The following ZNF420 variants were observed in gnomAD, a reference collection of about 807,000 sequenced individuals.
The protein encoded by ZNF420 is zinc finger protein 420.
Under a neutral mutation model 44.7 loss-of-function variants are expected in ZNF420, and 31 were observed. The observed-to-expected ratio is 0.69, with a 90% CI of 0.52 to 0.94. The LOEUF (loss-of-function observed/expected upper bound fraction) is 0.94, where lower values mean the gene tolerates loss of function less well. ZNF420 is among the 40% of genes least tolerant of loss of function. The pLI, the probability that ZNF420 is intolerant of heterozygous loss-of-function variation, is 0.00. For missense variants in ZNF420, 681 were observed against 827.9 expected (o/e 0.82, Z 2.18); for synonymous variants, 245 against 267.4 (o/e 0.92, Z 0.82).
chr19:37,080,471 C>G (rs1968375371), intron 2 of ZNF420, 83 bp downstream of exon 2: 1 of 152,492 alleles, frequency 6.6e-6, no homozygotes, highest in Non-Finnish European at 1.5e-5. Context: ...AAATTTCTTG[C>G]CTTCTCAAAT....
chr19:37,054,131 G>C (rs1188309256), intron 1 of ZNF420, among the ~76,000 whole-genome samples: 5 of 152,200 alleles, frequency 3.3e-5, no homozygotes, highest in African/African-American at 1.2e-4. Context: ...AATGAGCAAG[G>C]CTCCATGGGC....
intron 1 of ZNF420, among the ~76,000 whole-genome samples, chr19:37,044,784 G>A (rs944726981): frequency 7.2e-5 from 11 of 152,002 alleles, no homozygotes; most frequent in African/African-American, 2.7e-4. Context: ...AGCCGAGATC[G>A]CACCATTGCA....
In ZNF420 at chr19:37,130,297, A is replaced by G; in HGVS notation, c.*1239A>G. The G allele has an allele frequency of 7.1e-7, 1 of 1,414,066 alleles. No individual in the cohort carries two copies. The highest frequency in any genetic ancestry group is 9.2e-7 in the Non-Finnish European group (1 of 1,081,186). The allele number at this position is 1,414,066 out of a possible 1,614,324, so 87.6% of individuals were successfully genotyped here. ...CTTGCCTCCTGTTTCTCTTTAAATAAAATTAAACATCTTATTTGTTGATGC... is the reference window on the plus strand; with the variant it reads ...CTTGCCTCCTGTTTCTCTTTAAATAGAATTAAACATCTTATTTGTTGATGC... On this transcript the variant is annotated 3_prime_UTR_variant, in exon 5 of 5. Transcript: ENST00000337995.
At chr19:37,026,718 T>C (rs1967166355) in intron 1 of ZNF420, among the ~76,000 whole-genome samples, 1 of 152,178 alleles carries the variant, frequency 6.6e-6, no homozygotes, top group Non-Finnish European at 1.5e-5. Flanking sequence ...TGCCTCAGCC[T>C]CCCAAAGTGC....
At chr19:37,050,185 A>T (rs112483943) in intron 1 of ZNF420, among the ~76,000 whole-genome samples, 2 of 152,088 alleles carry the variant, frequency 1.3e-5, no homozygotes, top group African/African-American at 2.4e-5. Flanking sequence ...CTTAGGATTG[A>T]CTTGGCAATG....
chr19:37,118,915 G>C (rs905671103), intron 4 of ZNF420, among the ~76,000 whole-genome samples: 1 of 152,134 alleles, frequency 6.6e-6, no homozygotes. Flanking sequence ...ACCAAGAAGA[G>C]CTAACTATCC....
intron 1 of ZNF420, among the ~76,000 whole-genome samples, chr19:37,053,890 C>T (rs1967690927): frequency 6.6e-6 from 1 of 152,188 alleles, no homozygotes; most frequent in African/African-American, 2.4e-5. Context: ...TCAAAGCTGT[C>T]AGACACGGAC....
chr19:37,020,216 CA>C (rs376616699), intron 1 of ZNF420, among the ~76,000 whole-genome samples: 212 of 99,858 alleles, frequency 2.1e-3, no homozygotes, highest in Middle Eastern at 0.019. Flanking sequence ...GACTCCGTCT[CA>C]AAAAAAAAAA....
chr19:37,070,241 T>C (rs1464562822), intron 1 of ZNF420, among the ~76,000 whole-genome samples: 1 of 152,102 alleles, frequency 6.6e-6, no homozygotes, highest in African/African-American at 2.4e-5. Flanking sequence ...AACACAGAAA[T>C]TGTATCTCTC....
At chr19:37,008,332 G>T (rs1303632082) in intron 1 of ZNF420, among the ~76,000 whole-genome samples, 2 of 152,152 alleles carry the variant, frequency 1.3e-5, no homozygotes, top group Admixed American at 6.5e-5. Flanking sequence ...CCGTGTGAGT[G>T]TGTTGTCACG....
intron 2 of ZNF420, among the ~76,000 whole-genome samples, chr19:37,082,314 C>G (rs1968513733): frequency 6.6e-6 from 1 of 152,048 alleles, no homozygotes; most frequent in African/African-American, 2.4e-5. Context: ...AGGCACACAC[C>G]ACCACACCCA....
At chr19:37,068,528 T>A (rs1177048482) in intron 1 of ZNF420, among the ~76,000 whole-genome samples, 1 of 152,014 alleles carries the variant, frequency 6.6e-6, no homozygotes, top group East Asian at 1.9e-4. Flanking sequence ...TAATCCCAGC[T>A]ACTCGGGAGG....
At chr19:37,081,473 C>T (rs1278371843) in intron 2 of ZNF420, among the ~76,000 whole-genome samples, 1 of 150,678 alleles carries the variant, frequency 6.6e-6, no homozygotes, top group East Asian at 1.9e-4. Flanking sequence ...GGATTTTTCT[C>T]CTTGTAGTTT....
intron 2 of ZNF420, among the ~76,000 whole-genome samples, chr19:37,083,047 GAC>G (rs1968550477): frequency 9.1e-6 from 1 of 110,496 alleles, no homozygotes; most frequent in South Asian, 2.6e-4. Flanking sequence ...TTTTAGTAGA[GAC>G]AGGGTTTCAC....
chr19:37,067,186 G>C (rs768960751), intron 1 of ZNF420, among the ~76,000 whole-genome samples: 12 of 152,278 alleles, frequency 7.9e-5, no homozygotes, highest in Non-Finnish European at 1.6e-4. Context: ...GAACTTTCTA[G>C]GGTGATGGTA....
At position 37,118,142 on chromosome 19, in the gene ZNF420, G is replaced by A. The variant is rs528004797; in HGVS notation, c.137-8986G>A. Among the ~76,000 whole-genome samples the A allele has an allele frequency of 1.6e-4, 25 of 152,216 alleles. No individual in the cohort carries two copies. In the East Asian group the frequency reaches 3.5e-3, roughly 21 times the overall value. ...AGAGAACGCCACAAAGATACTTCTCGAGAAGAGCAACTCCAAGACACATAA... is the reference window on the plus strand; with the variant it reads ...AGAGAACGCCACAAAGATACTTCTCAAGAAGAGCAACTCCAAGACACATAA... On this transcript the variant is annotated intron_variant, in intron 4 of 4. Coordinates refer to ENST00000337995, the MANE Select transcript of ZNF420 (RefSeq NM_144689.5).
intron 4 of ZNF420, chr19:37,108,360 C>CT (rs1341868691): frequency 6.6e-6 from 1 of 152,228 alleles, no homozygotes; most frequent in Non-Finnish European, 1.5e-5. Context: ...CACGCCTTCC[C>CT]TTGCTCTCAC....
chr19:37,090,888 C>A (rs1969097752), intron 3 of ZNF420, 107 bp from the exon 4 acceptor site: 2 of 1,246,050 alleles, frequency 1.6e-6, no homozygotes, highest in South Asian at 2.9e-5. Context: ...CCACTGCACT[C>A]CAGCCTGAGC....
At chr19:37,087,282 C>CAAAA (rs199903253) in intron 2 of ZNF420, among the ~76,000 whole-genome samples, 3 of 121,458 alleles carry the variant, frequency 2.5e-5, no homozygotes, top group Admixed American at 8.7e-5. Context: ...GACCCTGTCT[C>CAAAA]AAAAAAAAAA....
Sources: allele counts gnomAD v4.1 joint callset (sites outside exome capture counted in the v4.1 genomes callset), GRCh38; gene constraint gnomAD v4.1.1; transcripts MANE v1.5; gene names NCBI Gene and HGNC (gene_info 2026-07-23, HGNC 2026-07-21).